Variants in GLIS3 observed in about 807,000 individuals in gnomAD.
The protein encoded by GLIS3 is zinc finger protein GLIS3.
Under a neutral mutation model 78.6 loss-of-function variants are expected in GLIS3, and 53 were observed. That is an observed-to-expected ratio of 0.67 (90% CI 0.54 to 0.85). GLIS3 has a LOEUF of 0.85. Ranked by LOEUF, GLIS3 falls within the 40% of genes least tolerant of loss-of-function variation. GLIS3 has a pLI of 0.00. For synonymous variants in GLIS3, 684 were observed against 509.9 expected (o/e 1.34, Z -4.60); for missense variants, 1,703 against 1,231.1 (o/e 1.38, Z -5.74).
Position 4,166,960 on chromosome 9 carries a change from T to C in GLIS3, c.389-41019A>G, listed in dbSNP as rs535732712. Among the ~76,000 whole-genome samples the C allele has an allele frequency of 9.2e-5, 14 of 152,332 alleles. No individual in the cohort carries two copies. The South Asian group carries it at 2.5e-3, about 27-fold the overall frequency. ...AAAAACAAAAAGTCACGTGTGTTCC[T>C]GTTTGCGAACAACTCCAAAAATCTC... On this transcript the variant is annotated intron_variant, in intron 2 of 10. Coordinates refer to ENST00000381971, the MANE Select transcript of GLIS3 (RefSeq NM_001042413.2).
intron 4 of GLIS3, among the ~76,000 whole-genome samples, chr9:4,087,033 A>C (rs1286928343): frequency 6.6e-6 from 1 of 152,200 alleles, no homozygotes; most frequent in African/African-American, 2.4e-5. Flanking sequence ...GTCAACTTGT[A>C]ATTGTTTAAC....
At chr9:3,864,083 C>G (rs1322568616) in intron 8 of GLIS3, among the ~76,000 whole-genome samples, 1 of 151,988 alleles carries the variant, frequency 6.6e-6, no homozygotes, top group Non-Finnish European at 1.5e-5. Context: ...TTTAAAAAAG[C>G]ACCAAACTGA....
chr9:4,443,318 A>C, the GLIS3 span, among the ~76,000 whole-genome samples: 1 of 152,182 alleles, frequency 6.6e-6, no homozygotes, highest in Non-Finnish European at 1.5e-5. Flanking sequence ...TTTTCTGTCC[A>C]TGTCTGCATT....
At chr9:4,216,182 G>C (rs987071650) in intron 2 of GLIS3, among the ~76,000 whole-genome samples, 3 of 152,032 alleles carry the variant, frequency 2.0e-5, no homozygotes, top group African/African-American at 7.2e-5. Context: ...AGAAGAAAAT[G>C]TGGGTTGAGG....
At position 3,827,985 on chromosome 9, in the gene GLIS3, C is replaced by A; in HGVS notation, c.*287G>T. ...ACTGGGGTCCTTTAAGGGTTGACAG[C>A]CAGGAAGTAACAGGTATCCAGGAGA... On this transcript the variant is annotated 3_prime_UTR_variant, in exon 11 of 11. Transcript: ENST00000381971. The A allele has an allele frequency of 2.2e-6, 1 of 459,036 alleles. No individual in the cohort carries two copies. The highest frequency in any genetic ancestry group is 4.0e-6 in the Non-Finnish European group (1 of 248,638). The allele number at this position is 459,036 out of a possible 1,614,324, so 28.4% of individuals were successfully genotyped here.
chr9:3,888,032 G>A (rs1356251470), intron 7 of GLIS3, among the ~76,000 whole-genome samples: 1 of 152,056 alleles, frequency 6.6e-6, no homozygotes, highest in Non-Finnish European at 1.5e-5. Context: ...AAAATAGCTG[G>A]AACAAGCAAA....
At chr9:3,908,403 A>G (rs702268) in intron 6 of GLIS3, among the ~76,000 whole-genome samples, 133,622 of 152,198 alleles carry the variant, frequency 0.88, 58,811 homozygotes, top group Non-Finnish European at 0.91. Flanking sequence ...TGACAACTCC[A>G]AGGCTCGGAA....
chr9:4,375,430 G>C, the GLIS3 span, among the ~76,000 whole-genome samples: 2 of 152,128 alleles, frequency 1.3e-5, no homozygotes, highest in Non-Finnish European at 2.9e-5. Context: ...AACAATTTGC[G>C]ACTGTTTTAT....
intron 2 of GLIS3, among the ~76,000 whole-genome samples, chr9:4,135,322 G>A (rs930166076): frequency 1.3e-5 from 2 of 152,008 alleles, no homozygotes; most frequent in Non-Finnish European, 2.9e-5. Context: ...ATCCACCCCC[G>A]ACATCTATCA....
chr9:4,009,958 T>C (rs1365189895), intron 4 of GLIS3, among the ~76,000 whole-genome samples: 1 of 152,186 alleles, frequency 6.6e-6, no homozygotes, highest in Non-Finnish European at 1.5e-5. Context: ...TCTGCCAAAC[T>C]GCTCAGCAGA....
At position 4,125,851 on chromosome 9, in the gene GLIS3, C is replaced by G; in HGVS notation, c.479G>C (p.Arg160Pro). 2 of 1,613,902 alleles carry G rather than the reference C, an allele frequency of 1.2e-6. No homozygotes were observed. The highest frequency in any genetic ancestry group is 1.7e-6 in the Non-Finnish European group (2 of 1,179,886). The part of the protein sequence containing the change: ...VVTSSPMMVQ[R>P]LGLISPPASQ... ...TGCTGGAGGTGAAATGAGTCCCAGT[C>G]GCTGAACCATCATGGGACTGCTGGT... The change falls in exon 3 of 11, where the codon CGA becomes CCA. Residue 160 changes from arginine (R) to proline (P), a missense_variant. Physicochemically the swap from Arg to Pro is moderately radical, Grantham distance 103 (BLOSUM62 -2). Coordinates refer to ENST00000381971, the MANE Select transcript of GLIS3 (RefSeq NM_001042413.2).
the GLIS3 span, among the ~76,000 whole-genome samples, chr9:4,454,814 A>G: frequency 6.6e-6 from 1 of 152,212 alleles, no homozygotes; most frequent in African/African-American, 2.4e-5. Context: ...GTTGGAGGTG[A>G]TACATTTCTT....
chr9:3,985,525 C>T (rs1819669897), intron 4 of GLIS3, among the ~76,000 whole-genome samples: 1 of 152,282 alleles, frequency 6.6e-6, no homozygotes, highest in African/African-American at 2.4e-5. Flanking sequence ...CAAAGCATTG[C>T]TTCTTGGTAC....
chr9:3,976,784 T>C (rs1818826113), intron 4 of GLIS3, among the ~76,000 whole-genome samples: 1 of 70,010 alleles, frequency 1.4e-5, no homozygotes, highest in East Asian at 5.6e-4. Context: ...GAGACAGAAA[T>C]CCTCCCCCTG....
At chr9:4,087,030 T>C (rs1829091264) in intron 4 of GLIS3, among the ~76,000 whole-genome samples, 1 of 152,176 alleles carries the variant, frequency 6.6e-6, no homozygotes, top group African/African-American at 2.4e-5. Flanking sequence ...GCAGTCAACT[T>C]GTAATTGTTT....
chr9:3,828,854 G>C (rs79143422), intron 10 of GLIS3, among the ~76,000 whole-genome samples: 238 of 152,310 alleles, frequency 1.6e-3, no homozygotes, highest in African/African-American at 5.5e-3. Context: ...GGAAAAATAT[G>C]TGTGGGCAGG....
intron 6 of GLIS3, among the ~76,000 whole-genome samples, chr9:3,920,153 G>A (rs1049781730): frequency 7.2e-5 from 11 of 151,978 alleles, no homozygotes; most frequent in Middle Eastern, 3.4e-3. Context: ...ACAGGCGCCC[G>A]CCACCACACC....
the GLIS3 span, among the ~76,000 whole-genome samples, chr9:4,482,476 C>A: frequency 6.6e-6 from 1 of 152,270 alleles, no homozygotes; most frequent in Admixed American, 6.5e-5. Context: ...CATCTTTCTC[C>A]CCACCCATGG....
intron 2 of GLIS3, among the ~76,000 whole-genome samples, chr9:4,218,547 G>C (rs1821056004): frequency 6.6e-6 from 1 of 152,146 alleles, no homozygotes; most frequent in African/African-American, 2.4e-5. Flanking sequence ...CAAAGTGCTG[G>C]GATTACAGGC....
Sources: allele counts gnomAD v4.1 joint callset (sites outside exome capture counted in the v4.1 genomes callset), GRCh38; gene constraint gnomAD v4.1.1; transcripts MANE v1.5; gene names NCBI Gene and HGNC (gene_info 2026-07-23, HGNC 2026-07-21).